ALPL: variants seen among roughly 807,000 people sequenced by gnomAD.
ALPL encodes alkaline phosphatase, tissue-nonspecific isozyme.
A neutral mutation model predicts 51.3 loss-of-function variants in ALPL; 42 were observed. The observed-to-expected ratio is 0.82, with a 90% CI of 0.64 to 1.06. The LOEUF (loss-of-function observed/expected upper bound fraction) is 1.06. Ranked by LOEUF, ALPL falls within the 50% of genes least tolerant of loss-of-function variation. ALPL has a pLI of 0.00. For missense variants in ALPL, 589 were observed against 709.4 expected, an observed-to-expected ratio of 0.83 and a Z score of 1.93; for synonymous variants, 279 against 296.4, an observed-to-expected ratio of 0.94 and a Z score of 0.60.
rs72659167 is a variant in ALPL at position 21,524,820 on chromosome 1, T to C, written c.-105+15303T>C. Among the ~76,000 whole-genome samples the C allele has an allele frequency of 2.3e-3, 344 of 152,170 alleles. 1 individual carries two copies. The highest frequency in any genetic ancestry group is 3.3e-3 in the African/African-American group (136 of 41,546). On this transcript the variant is annotated intron_variant, in intron 1 of 11. Coordinates refer to ENST00000374840, the MANE Select transcript of ALPL (RefSeq NM_000478.6). ...TCCCTGAGCTTAGAAGTGCGGAGTT[T>C]ATCTATCCCCTGCGCGATTCCTGGG...
intron 1 of ALPL, among the ~76,000 whole-genome samples, chr1:21,517,010 C>T (rs1266811299): frequency 6.6e-6 from 1 of 152,136 alleles, no homozygotes; most frequent in Non-Finnish European, 1.5e-5. Context: ...GTTACATTAG[C>T]CTATAGTTGG....
chr1:21,551,061 G>C (rs924858975), intron 1 of ALPL, among the ~76,000 whole-genome samples: 1 of 152,162 alleles, frequency 6.6e-6, no homozygotes, highest in African/African-American at 2.4e-5. Context: ...CCCATGCGCT[G>C]TGCCTGTCTG....
chr1:21,522,118 C>T (rs1428692875), intron 1 of ALPL, among the ~76,000 whole-genome samples: 2 of 148,982 alleles, frequency 1.3e-5, no homozygotes, highest in Non-Finnish European at 3.0e-5. Context: ...GTCGCCCAGG[C>T]TGGAGTGCAG....
chr1:21,566,018 G>T (rs1417579285), intron 6 of ALPL, among the ~76,000 whole-genome samples: 1 of 152,074 alleles, frequency 6.6e-6, no homozygotes, highest in Non-Finnish European at 1.5e-5. Flanking sequence ...AAGAGGTCAG[G>T]TTCTGTGGGA....
intron 2 of ALPL, among the ~76,000 whole-genome samples, chr1:21,557,067 T>C (rs1312334406): frequency 6.6e-6 from 1 of 152,132 alleles, no homozygotes. Flanking sequence ...CTCCTGAGGA[T>C]TTTCCTTCCC....
intron 1 of ALPL, among the ~76,000 whole-genome samples, chr1:21,511,734 C>T (rs574202051): frequency 6.6e-6 from 1 of 152,336 alleles, no homozygotes; most frequent in Non-Finnish European, 1.5e-5. Flanking sequence ...GCAGCGCTTC[C>T]TGCCCTCTGC....
chr1:21,548,555 A>G (rs1208914231), intron 1 of ALPL, among the ~76,000 whole-genome samples: 2 of 152,188 alleles, frequency 1.3e-5, no homozygotes, highest in African/African-American at 2.4e-5. Context: ...AGACAGACCA[A>G]TAACCGGAAG....
intron 1 of ALPL, among the ~76,000 whole-genome samples, chr1:21,510,074 AC>A (rs1643652306): frequency 6.6e-6 from 1 of 151,802 alleles, no homozygotes; most frequent in African/African-American, 2.4e-5. Context: ...GACAGAGGAC[AC>A]CCGCGTGGGT....
chr1:21,573,654 GTCC>G lies in ALPL; in HGVS notation c.863-5_863-3del, dbSNP rs1644683388. The G allele has an allele frequency of 1.9e-6, 3 of 1,613,120 alleles. No homozygotes were observed. Among genetic ancestry groups the G allele is most frequent in the Non-Finnish European group, 2.5e-6 (3 of 1,179,798 alleles). ...CTCTCAGCATCCACATCCTCCTGGC[GTCC>G]TCCTCAGGTCTCTTCGAGCCAGGGG... is the stretch of plus-strand genomic sequence containing the variant. On this transcript the variant is annotated splice_polypyrimidine_tract_variant and splice_region_variant and intron_variant, in intron 8 of 11. Transcript: ENST00000374840.
At chr1:21,515,643 C>T (rs765088020) in intron 1 of ALPL, among the ~76,000 whole-genome samples, 3 of 152,220 alleles carry the variant, frequency 2.0e-5, no homozygotes, top group Non-Finnish European at 4.4e-5. Context: ...CCCTCCTCGG[C>T]CTCGCAAAGT....
chr1:21,578,047 A>C lies in ALPL; in HGVS notation c.*399A>C. ...CTCATCTCCTGACCCTCCCACTCCC[A>C]TCTCCTTACCTCTGGAACCCCCCAG... On this transcript the variant is annotated 3_prime_UTR_variant, in exon 12 of 12. Transcript: ENST00000374840. The surrounding 1 kb of genome is among the most constrained non-coding windows in gnomAD (Gnocchi z 4.2). 2.7e-5 allele frequency: 7 copies of C among 262,882 alleles called. No homozygotes were observed. The highest frequency in any genetic ancestry group is 9.1e-5 in the East Asian group (1 of 11,042). 16.3% of individuals were successfully genotyped at this position (262,882 alleles called of 1,614,324 possible).
intron 9 of ALPL, 110 bp from the exon 10 acceptor site, chr1:21,575,623 C>A: frequency 7.3e-7 from 1 of 1,361,062 alleles, no homozygotes. Flanking sequence ...GGCGAAGGTT[C>A]CTGTCCTTCC....
Position 21,576,220 on chromosome 1 carries a change from A to G in ALPL, c.1189+296A>G, listed in dbSNP as rs1311032056. 2.2e-5 allele frequency among the ~76,000 whole-genome samples: 3 copies of G among 139,492 alleles called. No individual in the cohort carries two copies. The South Asian group carries it at 6.8e-4, about 32-fold the overall frequency. The allele number at this position is 139,492 out of a possible 152,430, so 91.5% of individuals were successfully genotyped here. On this transcript the variant is annotated intron_variant, in intron 10 of 11. Coordinates refer to ENST00000374840, the MANE Select transcript of ALPL (RefSeq NM_000478.6). ...TGGCTGGCTGGATGATGGATGGATG[A>G]TGGATGGATGGATGGATGGATGGAT... is the stretch of plus-strand genomic sequence containing the variant.
intron 1 of ALPL, among the ~76,000 whole-genome samples, chr1:21,550,275 G>T (rs1644304285): frequency 6.6e-6 from 1 of 152,174 alleles, no homozygotes; most frequent in South Asian, 2.1e-4. Flanking sequence ...TCTGGAGGGG[G>T]TGACTGATGG....
chr1:21,521,158 A>G (rs558275748), intron 1 of ALPL, among the ~76,000 whole-genome samples: 52 of 152,226 alleles, frequency 3.4e-4, no homozygotes, highest in South Asian at 6.2e-4. Context: ...CCCATGCCTA[A>G]TAAGATGCCT....
At chr1:21,561,240 G>A in intron 4 of ALPL, 28 bp downstream of exon 4, 2 of 1,559,902 alleles carry the variant, frequency 1.3e-6, no homozygotes, top group Non-Finnish European at 1.7e-6. Flanking sequence ...GCCCAGTTCA[G>A]GTCTGTATAT....
chr1:21,563,377 G>T, intron 5 of ALPL, 93 bp downstream of exon 5: 2 of 1,449,818 alleles, frequency 1.4e-6, no homozygotes, highest in Non-Finnish European at 1.8e-6. Flanking sequence ...GGCTAGAAAA[G>T]GCTTCTCTGT....
chr1:21,510,591 G>A (rs914184458), intron 1 of ALPL, among the ~76,000 whole-genome samples: 2 of 152,228 alleles, frequency 1.3e-5, no homozygotes, highest in Non-Finnish European at 2.9e-5. Flanking sequence ...TGGGGAAACT[G>A]AGGCTTAGAC....
chr1:21,577,301 G>T, intron 11 of ALPL, 82 bp from the exon 12 acceptor site: 1 of 1,604,472 alleles, frequency 6.2e-7, no homozygotes, highest in Non-Finnish European at 8.5e-7. Context: ...ATTCAAGCCA[G>T]CCTGGAAGGG....
Sources: allele counts gnomAD v4.1 joint callset (sites outside exome capture counted in the v4.1 genomes callset), GRCh38; gene constraint gnomAD v4.1.1; non-coding constraint Gnocchi (gnomAD v3.1); transcripts MANE v1.5; gene names NCBI Gene and HGNC (gene_info 2026-07-23, HGNC 2026-07-21).